The following SLC1A2 variants were observed in gnomAD, a reference collection of about 807,000 sequenced individuals.
SLC1A2 encodes the protein solute carrier family 1 member 2.
A neutral mutation model predicts 48.8 loss-of-function variants in SLC1A2; 15 were observed. The ratio of observed to expected loss-of-function variants is 0.31; its 90% CI spans 0.21 to 0.47. SLC1A2 has a LOEUF of 0.47. SLC1A2 is among the 20% of genes least tolerant of loss of function. The pLI, the probability that SLC1A2 is intolerant of heterozygous loss-of-function variation, is 0.99. For missense variants in SLC1A2, 502 were observed against 730.5 expected (o/e 0.69, Z 3.61); for synonymous variants, 279 against 272.6 (o/e 1.02, Z -0.23).
At chr11:35,331,799 A>G (rs1311501858) in intron 1 of SLC1A2, among the ~76,000 whole-genome samples, 1 of 152,120 alleles carries the variant, frequency 6.6e-6, no homozygotes, top group African/African-American at 2.4e-5. Flanking sequence ...TGAGCCCCCA[A>G]TCTACTTTTC....
chr11:35,337,378 G>A (rs116167968), intron 1 of SLC1A2, among the ~76,000 whole-genome samples: 1,873 of 152,246 alleles, frequency 0.012, 35 homozygotes, highest in African/African-American at 0.043. Context: ...CAAACGTGGC[G>A]AGAGGTGTTT....
chr11:35,314,975 G>A (rs765879675), intron 3 of SLC1A2, 48 bp downstream of exon 3: 7 of 1,406,876 alleles, frequency 5.0e-6, no homozygotes, highest in Non-Finnish European at 7.0e-6. Context: ...TAAAAGCCAG[G>A]GCAGGAGTAT....
At chr11:35,337,494 G>A (rs1197716160) in intron 1 of SLC1A2, among the ~76,000 whole-genome samples, 1 of 152,072 alleles carries the variant, frequency 6.6e-6, no homozygotes, top group African/African-American at 2.4e-5. Flanking sequence ...CACCAGTTCA[G>A]GAATATTACC....
intron 1 of SLC1A2, among the ~76,000 whole-genome samples, chr11:35,406,215 T>C (rs1855288799): frequency 6.6e-6 from 1 of 152,032 alleles, no homozygotes; most frequent in African/African-American, 2.4e-5. Flanking sequence ...TCCCTCCTTC[T>C]CCAGGCTGAC....
intron 1 of SLC1A2, among the ~76,000 whole-genome samples, chr11:35,358,689 T>C (rs10836378): frequency 0.33 from 50,709 of 151,954 alleles, 8,806 homozygotes; most frequent in South Asian, 0.53. Flanking sequence ...AACTAACATG[T>C]GAAAGAACAG....
chr11:35,270,309 A>C (rs1045443845), intron 9 of SLC1A2, among the ~76,000 whole-genome samples: 1 of 152,182 alleles, frequency 6.6e-6, no homozygotes, highest in Non-Finnish European at 1.5e-5. Flanking sequence ...ACCTCACAGG[A>C]GGTTGTACTA....
At chr11:35,391,172 T>G (rs1447318190) in intron 1 of SLC1A2, 1 of 152,190 alleles carries the variant, frequency 6.6e-6, no homozygotes, top group Admixed American at 6.5e-5. Flanking sequence ...AACACAGCCT[T>G]GCTCGCTTAT....
chr11:35,296,171 G>A (rs958463321), intron 6 of SLC1A2, among the ~76,000 whole-genome samples: 3 of 152,188 alleles, frequency 2.0e-5, no homozygotes, highest in South Asian at 2.1e-4. Context: ...TAACTCACTG[G>A]AATAATTCAT....
intron 1 of SLC1A2, among the ~76,000 whole-genome samples, chr11:35,345,920 C>A (rs758922314): frequency 3.2e-4 from 49 of 152,124 alleles, no homozygotes; most frequent in Non-Finnish European, 5.9e-4. Flanking sequence ...ACCTCACAAC[C>A]TCTCTATAAA....
At chr11:35,338,710 C>A (rs1026778812) in intron 1 of SLC1A2, among the ~76,000 whole-genome samples, 1 of 152,152 alleles carries the variant, frequency 6.6e-6, no homozygotes, top group Non-Finnish European at 1.5e-5. Context: ...CCAGATACAC[C>A]TAAAGTTATC....
intron 2 of SLC1A2, 21 bp from the exon 3 acceptor site, chr11:35,315,196 A>G (rs781577308): frequency 1.2e-6 from 2 of 1,607,482 alleles, no homozygotes; most frequent in African/African-American, 2.7e-5. Context: ...GGGGAAAACA[A>G]TATGAATTTA....
chr11:35,326,385 C>A (rs781706481), intron 1 of SLC1A2, among the ~76,000 whole-genome samples: 5 of 152,222 alleles, frequency 3.3e-5, no homozygotes, highest in Non-Finnish European at 5.9e-5. Context: ...CTGGGAGTTT[C>A]TTCTAGCCTC....
intron 1 of SLC1A2, among the ~76,000 whole-genome samples, chr11:35,379,731 A>C (rs1023041820): frequency 6.6e-6 from 1 of 152,196 alleles, no homozygotes; most frequent in Non-Finnish European, 1.5e-5. Flanking sequence ...GCTTATCCTT[A>C]AGGCTTCACT....
intron 1 of SLC1A2, among the ~76,000 whole-genome samples, chr11:35,321,939 CTG>C (rs765777265): frequency 1.3e-5 from 2 of 152,090 alleles, no homozygotes; most frequent in Non-Finnish European, 2.9e-5. Context: ...TGCCCACCAT[CTG>C]TGTTTCTGCT....
At chr11:35,360,353 C>G (rs149921764) in intron 1 of SLC1A2, among the ~76,000 whole-genome samples, 1 of 152,306 alleles carries the variant, frequency 6.6e-6, no homozygotes, top group Non-Finnish European at 1.5e-5. Flanking sequence ...TTCCCTCCCA[C>G]GTTTTGTGAA....
chr11:35,304,300 C>T (rs2134817425), intron 5 of SLC1A2, among the ~76,000 whole-genome samples: 1 of 152,158 alleles, frequency 6.6e-6, no homozygotes, highest in African/African-American at 2.4e-5. Context: ...TTGTTCATGG[C>T]CTCAAGCTCC....
intron 7 of SLC1A2, among the ~76,000 whole-genome samples, chr11:35,291,027 G>A (rs1850984146): frequency 6.6e-6 from 1 of 152,124 alleles, no homozygotes; most frequent in South Asian, 2.1e-4. Context: ...GGAGCAACAG[G>A]CCCTGCTGCG....
intron 4 of SLC1A2, among the ~76,000 whole-genome samples, chr11:35,310,822 C>G (rs1052201113): frequency 1.3e-5 from 2 of 152,234 alleles, no homozygotes; most frequent in East Asian, 1.9e-4. Flanking sequence ...TCAACAGAAT[C>G]ACCTGTTTTA....
intron 1 of SLC1A2, among the ~76,000 whole-genome samples, chr11:35,320,463 A>C (rs924786586): frequency 5.3e-5 from 8 of 152,238 alleles, no homozygotes; most frequent in African/African-American, 1.9e-4. Flanking sequence ...GGTTCAGGGA[A>C]GAAGAAGGAA....
Sources: gnomAD v4.1 joint callset for allele counts (sites outside exome capture counted in the v4.1 genomes callset) on GRCh38, gnomAD v4.1.1 for gene constraint, MANE v1.5 for transcripts, NCBI Gene and HGNC (gene_info 2026-07-23, HGNC 2026-07-21) for gene names.